Variants in FAM227A observed in about 807,000 individuals in gnomAD.
FAM227A encodes the protein protein FAM227A.
FAM227A carries 80 observed loss-of-function variants against 74.7 expected under a neutral mutation model. That is an observed-to-expected ratio of 1.07 (90% CI 0.89 to 1.29). FAM227A has a LOEUF of 1.29. Ranked by LOEUF, FAM227A falls within the 50% of genes most tolerant of loss-of-function variation. The probability of loss-of-function intolerance (pLI) is 0.00; values close to 1 mark genes in which losing one functional copy is unlikely to be tolerated. For missense variants in FAM227A, 654 were observed against 683.4 expected (o/e 0.96, Z 0.48); for synonymous variants, 237 against 241.8 (o/e 0.98, Z 0.19).
chr22:38,606,810 C>G (rs1047989181), intron 12 of FAM227A, among the ~76,000 whole-genome samples: 5 of 152,152 alleles, frequency 3.3e-5, no homozygotes, highest in African/African-American at 1.2e-4. Context: ...AATTTATTTT[C>G]TTCTGGTGTC....
At chr22:38,613,183 ATAAT>A (rs2091470542) in intron 11 of FAM227A, among the ~76,000 whole-genome samples, 1 of 78,438 alleles carries the variant, frequency 1.3e-5, no homozygotes, top group South Asian at 3.2e-4. Context: ...TATATTATAT[ATAAT>A]ATATATATAT....
rs747396110 is a variant in FAM227A at position 38,628,894 on chromosome 22, A to G, written c.561T>C (p.Ser187=). 2 of 1,546,184 alleles carry G rather than the reference A, an allele frequency of 1.3e-6. No homozygotes were observed. Among genetic ancestry groups the G allele is most frequent in the South Asian group, 2.4e-5 (2 of 83,008 alleles). The change falls in exon 7 of 17, where the codon TCT becomes TCC. Residue 187 remains serine (S), a synonymous_variant. Transcript: ENST00000535113. ...CCAGCCAGATGGCTCTTGGAGAAGA[A>G]GAAGAGAGAAACTTCTCTAATTCTC... is the stretch of plus-strand genomic sequence containing the variant. ...SGRELEKFLS[S]SSPRAIWLDS... is the part of the protein sequence containing the mutation.
intron 3 of FAM227A, among the ~76,000 whole-genome samples, chr22:38,644,177 G>C (rs2092179217): frequency 6.6e-6 from 1 of 150,670 alleles, no homozygotes; most frequent in Non-Finnish European, 1.5e-5. Context: ...AAGATGTGGA[G>C]GAAACTAAAA....
intron 2 of FAM227A, 80 bp downstream of exon 2, chr22:38,649,947 G>T: frequency 7.8e-7 from 1 of 1,283,068 alleles, no homozygotes; most frequent in Non-Finnish European, 1.1e-6. Flanking sequence ...TTATAGACCT[G>T]AGCACTGATT....
rs543808663 is a variant in FAM227A at position 38,593,840 on chromosome 22, G to A, written c.1533-2300C>T. 3.9e-5 allele frequency among the ~76,000 whole-genome samples: 6 copies of A among 152,164 alleles called. No individual in the cohort carries two copies. The South Asian group carries it at 8.3e-4, about 21-fold the overall frequency. ...CAAGTAGCTGGGATTACAGGTGTGC[G>A]CCACTACCACCCAGCTATTTTTTCT... On this transcript the variant is annotated intron_variant, in intron 15 of 16. Transcript: ENST00000535113.
chr22:38,648,346 C>T (rs1183541943), intron 2 of FAM227A, among the ~76,000 whole-genome samples: 2 of 151,060 alleles, frequency 1.3e-5, no homozygotes, highest in Non-Finnish European at 2.9e-5. Flanking sequence ...GTGGCTCATG[C>T]CTGTAATCCC....
chr22:38,611,479 T>G (rs2091412650), intron 11 of FAM227A, among the ~76,000 whole-genome samples: 2 of 152,148 alleles, frequency 1.3e-5, no homozygotes, highest in South Asian at 4.1e-4. Context: ...AAATTCTGGT[T>G]AAATTAGTAG....
chr22:38,581,296 C>T lies in FAM227A; in HGVS notation c.*4829G>A, dbSNP rs2090704908. On this transcript the variant is annotated 3_prime_UTR_variant, in exon 17 of 17. Coordinates refer to ENST00000535113, the MANE Select transcript of FAM227A (RefSeq NM_001013647.2). ...AAGATGTTTCAGGTCTCATGATTTT[C>T]CTGCCCTAGACCTGGAACTGATCAT... The T allele has an allele frequency of 1.3e-5, 2 of 152,124 alleles. No individual in the cohort carries two copies. Among genetic ancestry groups the T allele is most frequent in the South Asian group, 4.1e-4 (2 of 4,824 alleles). The allele number at this position is 152,124 out of a possible 1,614,324, so 9.4% of individuals were successfully genotyped here. A position where few individuals can be genotyped will look rare whatever the true frequency, so the allele number is the denominator to read the frequency against.
chr22:38,623,372 T>G, intron 9 of FAM227A, 93 bp from the exon 10 acceptor site: 1 of 798,652 alleles, frequency 1.3e-6, no homozygotes, highest in Non-Finnish European at 2.1e-6. Flanking sequence ...GGAGGATTGC[T>G]TGAGCCCAGG....
At chr22:38,627,217 A>G (rs2091828087) in intron 8 of FAM227A, among the ~76,000 whole-genome samples, 1 of 152,046 alleles carries the variant, frequency 6.6e-6, no homozygotes, top group East Asian at 1.9e-4. Context: ...ATATATGTGT[A>G]GTCACATTTT....
intron 11 of FAM227A, 132 bp downstream of exon 11, chr22:38,620,080 A>C (rs2091654879): frequency 1.1e-5 from 7 of 637,398 alleles, no homozygotes; most frequent in Non-Finnish European, 1.9e-5. Context: ...CTCACTTAGA[A>C]GATGGAGTGG....
rs544711493 is a variant in FAM227A at position 38,616,190 on chromosome 22, G to A, written c.1038+4022C>T. Among the ~76,000 whole-genome samples, 65 of 152,340 alleles carry A rather than the reference G, an allele frequency of 4.3e-4. 2 individuals carry two copies. In the South Asian group the frequency reaches 0.013, roughly 31 times the overall value. ...CTGTCAAAAGTTTGGCAACAAAGAA[G>A]CCAAGAGAACAAAGCGTCTCAAGAA... On this transcript the variant is annotated intron_variant, in intron 11 of 16. Coordinates refer to ENST00000535113, the MANE Select transcript of FAM227A (RefSeq NM_001013647.2).
In FAM227A at chr22:38,623,271, G is replaced by A. The variant is rs2145567501; in HGVS notation, c.859C>T (p.Pro287Ser). 2.6e-6 allele frequency: 4 copies of A among 1,550,732 alleles called. No homozygotes were observed. Among genetic ancestry groups the A allele is most frequent in the South Asian group, 1.2e-5 (1 of 84,040 alleles). Reference protein sequence around the residue: ...TMSLWISGTYPSPQSYDSWDY... With the variant: ...TMSLWISGTYSSPQSYDSWDY... ...CAGCTGTCATAGCTCTGTGGGCTAG[G>A]ATAGGTGCCTAAGGGAGGAGTCAAG... is the stretch of plus-strand genomic sequence containing the variant. Residue 287 changes from proline (P) to serine (S), a missense_variant, in exon 10 of 17, where the codon CCT (proline) becomes TCT (serine). Transcript: ENST00000535113.
At position 38,607,389 on chromosome 22, in the gene FAM227A, C is replaced by G; in HGVS notation, c.1126G>C (p.Glu376Gln). Reference protein sequence around the residue: ...KSLRMQNTAKEHHCQTLVLKK... With the variant: ...KSLRMQNTAKQHHCQTLVLKK... ...TTTCCCTTTTTGGTAGTCAATATAC[C>G]TTTTGCAGTATTCTGCATTCGTAAG... The change falls in exon 12 of 17, where the codon GAG (glutamate) becomes CAG (glutamine). Residue 376 changes from glutamate (E) to glutamine (Q), a missense_variant and splice_region_variant. Coordinates refer to ENST00000535113, the MANE Select transcript of FAM227A (RefSeq NM_001013647.2). The G allele has an allele frequency of 6.5e-7, 1 of 1,548,526 alleles. No homozygotes were observed. Among genetic ancestry groups the G allele is most frequent in the Non-Finnish European group, 8.7e-7 (1 of 1,144,380 alleles).
At chr22:38,621,839 A>G (rs2091698030) in intron 10 of FAM227A, among the ~76,000 whole-genome samples, 1 of 151,964 alleles carries the variant, frequency 6.6e-6, no homozygotes, top group Non-Finnish European at 1.5e-5. Context: ...CACCCTTCAA[A>G]TCTCAGCTCA....
At chr22:38,588,615 TAAAA>T (rs757871619) in intron 16 of FAM227A, among the ~76,000 whole-genome samples, 2 of 47,842 alleles carry the variant, frequency 4.2e-5, no homozygotes, top group Non-Finnish European at 7.8e-5. Flanking sequence ...TGACTCTGTC[TAAAA>T]AAAAAAAAAA....
At chr22:38,649,959 G>C (rs1284297493) in intron 2 of FAM227A, 68 bp downstream of exon 2, 6 of 1,420,388 alleles carry the variant, frequency 4.2e-6, no homozygotes, top group African/African-American at 2.8e-5. Flanking sequence ...GCACTGATTA[G>C]ATCTCTGTGG....
chr22:38,613,197 T>TA, intron 11 of FAM227A, among the ~76,000 whole-genome samples: 8 of 73,410 alleles, frequency 1.1e-4, no homozygotes, highest in African/African-American at 4.8e-4. Context: ...TATATATATA[T>TA]TATATTATAT....
intron 3 of FAM227A, among the ~76,000 whole-genome samples, chr22:38,642,651 A>C (rs944049702): frequency 6.6e-6 from 1 of 152,242 alleles, no homozygotes; most frequent in African/African-American, 2.4e-5. Flanking sequence ...AAATATTCAA[A>C]GAGGCCGGGC....
Sources: gnomAD v4.1 joint callset for allele counts (sites outside exome capture counted in the v4.1 genomes callset) on GRCh38, gnomAD v4.1.1 for gene constraint, MANE v1.5 for transcripts, NCBI Gene and HGNC (gene_info 2026-07-23, HGNC 2026-07-21) for gene names.